The following C19orf18 variants were observed in gnomAD, a reference collection of about 807,000 sequenced individuals.
C19orf18 encodes the protein chromosome 19 open reading frame 18, also known as uncharacterized protein C19orf18.
C19orf18 carries 21 observed loss-of-function variants against 23.3 expected under a neutral mutation model. The observed-to-expected ratio is 0.90, with a 90% confidence interval of 0.64 to 1.30. The LOEUF (loss-of-function observed/expected upper bound fraction) is 1.30. C19orf18 is among the 50% of genes most tolerant of loss of function. The probability of loss-of-function intolerance (pLI) is 0.00; values close to 1 mark genes in which losing one functional copy is unlikely to be tolerated. For missense variants in C19orf18, 249 were observed against 259.6 expected (o/e 0.96, Z 0.28); for synonymous variants, 96 against 95.2 (o/e 1.01, Z -0.05).
Position 57,974,223 on chromosome 19 carries a change from G to A in C19orf18, c.122-20C>T. The stretch of plus-strand genomic sequence containing the variant: ...TACTGCCTTGAAAAGAAAACTTTTT[G>A]CGGTGAAATGTAATTACCTTCTTTT... On this transcript the variant is annotated intron_variant, in intron 1 of 5. Transcript: ENST00000314391. 1 of 1,613,154 alleles carries A rather than the reference G, an allele frequency of 6.2e-7. No individual in the cohort carries two copies. The highest frequency in any genetic ancestry group is 8.5e-7 in the Non-Finnish European group (1 of 1,179,744).
Position 57,961,450 on chromosome 19 carries a change from C to T in C19orf18, c.473G>A (p.Gly158Asp), listed in dbSNP as rs780113668. The T allele has an allele frequency of 9.3e-6, 15 of 1,614,052 alleles. No individual in the cohort carries two copies. Among genetic ancestry groups the T allele is most frequent in the Admixed American group, 6.7e-5 (4 of 59,990 alleles). ...GDEEEGSEDE[G>D]ESTHLLPENE... ...CTCTGGAAGTAGGTGCGTGGACTCA[C>T]CCTCGTCCTCTGAGCCCTCTTCTTC... Residue 158 changes from glycine to aspartate, a missense_variant, in exon 5 of 6, where the codon GGT becomes GAT. Gly to Asp is a moderately conservative substitution (Grantham distance 94). Transcript: ENST00000314391.
chr19:57,961,184 G>A (rs894725548), intron 5 of C19orf18, among the ~76,000 whole-genome samples: 2 of 151,808 alleles, frequency 1.3e-5, no homozygotes, highest in Non-Finnish European at 2.9e-5. Context: ...GCAGTGAGCA[G>A]AGATCGCGCC....
At chr19:57,973,170 A>C in intron 2 of C19orf18, among the ~76,000 whole-genome samples, 1 of 147,120 alleles carries the variant, frequency 6.8e-6, no homozygotes, top group Non-Finnish European at 1.5e-5. Context: ...AAAAAAAAAA[A>C]AAAAAAAAAA....
At chr19:57,961,698 T>G (rs2072873219) in intron 4 of C19orf18, 147 bp from the exon 5 acceptor site, 1 of 828,818 alleles carries the variant, frequency 1.2e-6, no homozygotes, top group Non-Finnish European at 1.9e-6. Context: ...CATGGTCAGC[T>G]CTCAACTGTC....
intron 3 of C19orf18, among the ~76,000 whole-genome samples, chr19:57,969,361 C>A (rs1029476178): frequency 6.6e-6 from 1 of 151,166 alleles, no homozygotes. Context: ...TCAAGACCAG[C>A]CTGGCCAACA....
chr19:57,959,911 A>G (rs1477615600), intron 5 of C19orf18, among the ~76,000 whole-genome samples: 4 of 151,746 alleles, frequency 2.6e-5, no homozygotes, highest in African/African-American at 9.7e-5. Context: ...GGAGTTCGAG[A>G]CCAGCCTGGC....
chr19:57,971,926 T>C (rs565134686), intron 3 of C19orf18, among the ~76,000 whole-genome samples: 1 of 152,148 alleles, frequency 6.6e-6, no homozygotes, highest in African/African-American at 2.4e-5. Flanking sequence ...TCACTCAGCA[T>C]ATGTGATTAA....
intron 3 of C19orf18, among the ~76,000 whole-genome samples, chr19:57,971,461 A>T (rs1240078723): frequency 8.0e-6 from 1 of 125,042 alleles, no homozygotes; most frequent in Non-Finnish European, 1.7e-5. Flanking sequence ...CCTTCCTGTA[A>T]AAACCAGAAT....
intron 2 of C19orf18, 141 bp from the exon 3 acceptor site, chr19:57,972,645 T>C (rs2072952940): frequency 2.2e-6 from 2 of 900,996 alleles, no homozygotes; most frequent in Non-Finnish European, 3.4e-6. Flanking sequence ...GATGTGTTAA[T>C]ACATTCCTCC....
At position 57,974,465 on chromosome 19, in the gene C19orf18, A is replaced by G; in HGVS notation, c.-33T>C. ...AAATTATCAGTATTTTATCCCGTAG[A>G]TGAAAGGAAATACTTAGCTACAGTC... is the stretch of plus-strand genomic sequence containing the variant. On this transcript the variant is annotated 5_prime_UTR_variant, in exon 1 of 6. Coordinates refer to ENST00000314391, the MANE Select transcript of C19orf18 (RefSeq NM_152474.5). The G allele has an allele frequency of 1.2e-6, 2 of 1,610,422 alleles. No individual in the cohort carries two copies. The highest frequency in any genetic ancestry group is 8.5e-7 in the Non-Finnish European group (1 of 1,177,890).
intron 5 of C19orf18, among the ~76,000 whole-genome samples, chr19:57,959,439 A>G (rs933024605): frequency 2.6e-4 from 36 of 139,400 alleles, no homozygotes; most frequent in African/African-American, 1.0e-3. Context: ...CCTGGCCAAC[A>G]TGGTGAGACC....
At chr19:57,969,578 A>G (rs2072931006) in intron 3 of C19orf18, among the ~76,000 whole-genome samples, 3 of 126,036 alleles carry the variant, frequency 2.4e-5, no homozygotes, top group Non-Finnish European at 3.8e-5. Flanking sequence ...AAAAAAAAAA[A>G]AAAAAAAAAA....
At chr19:57,963,491 A>T (rs1420342076) in intron 4 of C19orf18, among the ~76,000 whole-genome samples, 1 of 152,140 alleles carries the variant, frequency 6.6e-6, no homozygotes, top group Admixed American at 6.5e-5. Flanking sequence ...TACACGTTTT[A>T]ATGTATTTTT....
intron 3 of C19orf18, among the ~76,000 whole-genome samples, chr19:57,970,274 G>C (rs1053230110): frequency 6.6e-6 from 1 of 152,288 alleles, no homozygotes; most frequent in East Asian, 1.9e-4. Flanking sequence ...TCCTCACAGA[G>C]CAATAATCTT....
chr19:57,960,100 C>T (rs2072856090), intron 5 of C19orf18, among the ~76,000 whole-genome samples: 1 of 143,062 alleles, frequency 7.0e-6, no homozygotes, highest in African/African-American at 2.7e-5. Context: ...CATAGGGAGA[C>T]TCTGTCTCAA....
At chr19:57,967,671 G>A (rs995158643) in intron 3 of C19orf18, among the ~76,000 whole-genome samples, 2 of 151,830 alleles carry the variant, frequency 1.3e-5, no homozygotes, top group Admixed American at 6.6e-5. Context: ...AGAATTGCTT[G>A]AGCCAGGGAG....
At chr19:57,968,942 C>T (rs2123229965) in intron 3 of C19orf18, among the ~76,000 whole-genome samples, 1 of 152,270 alleles carries the variant, frequency 6.6e-6, no homozygotes, top group East Asian at 1.9e-4. Context: ...CCTAAATCAC[C>T]CCAGGGCCAA....
At chr19:57,969,067 C>A (rs574819129) in intron 3 of C19orf18, among the ~76,000 whole-genome samples, 8 of 152,156 alleles carry the variant, frequency 5.3e-5, no homozygotes, top group Non-Finnish European at 1.2e-4. Context: ...CCAGTAGAGG[C>A]GGGGACCTTG....
intron 3 of C19orf18, among the ~76,000 whole-genome samples, chr19:57,967,159 C>A (rs1347720312): frequency 6.6e-6 from 1 of 151,500 alleles, no homozygotes; most frequent in Non-Finnish European, 1.5e-5. Context: ...GAGACCTGGG[C>A]AGAGGCCATA....
Sources: allele counts gnomAD v4.1 joint callset (sites outside exome capture counted in the v4.1 genomes callset), GRCh38; gene constraint gnomAD v4.1.1; transcripts MANE v1.5; gene names NCBI Gene and HGNC (gene_info 2026-07-23, HGNC 2026-07-21).